The following SYCP1 variants were observed in gnomAD, a reference collection of about 807,000 sequenced individuals.
SYCP1 encodes the protein synaptonemal complex protein 1.
In SYCP1, 64 loss-of-function variants were observed where a neutral mutation model predicts 153.1. The ratio of observed to expected loss-of-function variants is 0.42; its 90% CI spans 0.34 to 0.51. SYCP1 has a LOEUF of 0.51. SYCP1 is among the 20% of genes least tolerant of loss of function. SYCP1 has a pLI of 0.06. For missense variants in SYCP1, 997 were observed against 1,049.0 expected (o/e 0.95, Z 0.68); for synonymous variants, 384 against 341.8 (o/e 1.12, Z -1.36).
At position 114,858,641 on chromosome 1, in the gene SYCP1, A is replaced by G. The variant is rs765961812; in HGVS notation, c.386A>G (p.Gln129Arg). 6 of 1,613,302 alleles carry G rather than the reference A, an allele frequency of 3.7e-6. No homozygotes were observed. Among genetic ancestry groups the G allele is most frequent in the Non-Finnish European group, 3.4e-6 (4 of 1,179,560 alleles). Residue 129 changes from glutamine (Q) to arginine (R), a missense_variant, in exon 6 of 32, where the codon CAG becomes CGG. This residue lies in a region of SYCP1 where 285 missense variants were observed against 366.1 expected (regional missense o/e 0.78). Transcript: ENST00000369522. ...WKVSTEAELRQKESKLQENRK... is the reference protein window; with the variant it reads ...WKVSTEAELRRKESKLQENRK... ...GTAAGTACAGAAGCTGAACTGAGAC[A>G]GAAAGAAAGTAAGTTGCAAGAAAAC...
At chr1:114,965,569 G>T (rs530054651) in intron 27 of SYCP1, among the ~76,000 whole-genome samples, 1 of 152,038 alleles carries the variant, frequency 6.6e-6, no homozygotes, top group Non-Finnish European at 1.5e-5. Context: ...TAGCATGAAG[G>T]GGTGTTGAAT....
intron 12 of SYCP1, among the ~76,000 whole-genome samples, chr1:114,880,871 T>C (rs762927570): frequency 6.6e-6 from 1 of 152,176 alleles, no homozygotes; most frequent in Non-Finnish European, 1.5e-5. Flanking sequence ...TTAAATTAAT[T>C]ATGATCAACT....
intron 23 of SYCP1, among the ~76,000 whole-genome samples, chr1:114,932,458 A>T (rs999761783): frequency 6.6e-6 from 1 of 152,214 alleles, no homozygotes. Context: ...GCTGAATAGG[A>T]ACAGCTCCAG....
intron 13 of SYCP1, 71 bp from the exon 14 acceptor site, chr1:114,886,054 G>A: frequency 1.0e-6 from 1 of 997,904 alleles, no homozygotes; most frequent in Non-Finnish European, 1.4e-6. Flanking sequence ...ATGTATAGAA[G>A]CAGATAAGTT....
rs541258777 is a variant in SYCP1 at position 114,966,716 on chromosome 1, G to A, written c.2323-10841G>A. On this transcript the variant is annotated intron_variant, in intron 27 of 31. Coordinates refer to ENST00000369522, the MANE Select transcript of SYCP1 (RefSeq NM_003176.4). ...TTTTTTTTTTTTTAGATGGAGTCTC[G>A]CTCTGCCACTGAGGCTGGAGTGCAG... Among the ~76,000 whole-genome samples the A allele has an allele frequency of 1.2e-3, 176 of 146,892 alleles. 2 individuals carry two copies. The highest frequency in any genetic ancestry group is 3.8e-3 in the African/African-American group (152 of 39,742).
chr1:114,987,940 GA>G (rs1242368375), intron 30 of SYCP1, among the ~76,000 whole-genome samples: 3 of 151,132 alleles, frequency 2.0e-5, no homozygotes, highest in East Asian at 2.0e-4. Context: ...AAAAGAACCA[GA>G]AAAAAACTCT....
intron 30 of SYCP1, among the ~76,000 whole-genome samples, chr1:114,986,375 A>G (rs894383213): frequency 6.6e-6 from 1 of 152,068 alleles, no homozygotes; most frequent in African/African-American, 2.4e-5. Flanking sequence ...CTTTAGAATT[A>G]AACATTCTAG....
At chr1:114,972,342 T>C (rs929677944) in intron 27 of SYCP1, among the ~76,000 whole-genome samples, 1 of 152,068 alleles carries the variant, frequency 6.6e-6, no homozygotes, top group Non-Finnish European at 1.5e-5. Context: ...GGTTTGTCAT[T>C]CTGTTTATCT....
intron 29 of SYCP1, among the ~76,000 whole-genome samples, chr1:114,982,419 A>AT (rs1374971974): frequency 1.3e-5 from 2 of 150,426 alleles, no homozygotes; most frequent in East Asian, 2.0e-4. Context: ...GTTTTTCTTC[A>AT]TTTTTTTTCT....
At chr1:114,969,559 A>C (rs1386935072) in intron 27 of SYCP1, among the ~76,000 whole-genome samples, 1 of 152,208 alleles carries the variant, frequency 6.6e-6, no homozygotes. Flanking sequence ...ATTTGAAGCC[A>C]GTGGATCTTA....
chr1:114,864,884 TTAAG>T (rs1167674777), intron 8 of SYCP1, among the ~76,000 whole-genome samples: 2 of 152,138 alleles, frequency 1.3e-5, no homozygotes, highest in African/African-American at 4.8e-5. Flanking sequence ...TTATTATACT[TTAAG>T]TTTTAGGGTA....
At chr1:114,891,959 T>G (rs957386323) in intron 15 of SYCP1, among the ~76,000 whole-genome samples, 5 of 152,128 alleles carry the variant, frequency 3.3e-5, no homozygotes, top group African/African-American at 1.2e-4. Context: ...GAAATAAAAA[T>G]GATGCAATGC....
At chr1:114,861,562 T>C (rs765164170) in intron 8 of SYCP1, among the ~76,000 whole-genome samples, 5 of 152,262 alleles carry the variant, frequency 3.3e-5, no homozygotes, top group Admixed American at 6.5e-5. Context: ...AAGGATTAGA[T>C]AGCCGGTGCT....
At position 114,975,033 on chromosome 1, in the gene SYCP1, T is replaced by A. The variant is rs183971386; in HGVS notation, c.2323-2524T>A. Among the ~76,000 whole-genome samples, 359 of 151,978 alleles carry A rather than the reference T, an allele frequency of 2.4e-3. 1 individual carries two copies. The highest frequency in any genetic ancestry group is 1.9e-3 in the Non-Finnish European group (130 of 67,762). On this transcript the variant is annotated intron_variant, in intron 27 of 31. Coordinates refer to ENST00000369522, the MANE Select transcript of SYCP1 (RefSeq NM_003176.4). ...TTGATAGTGGCCATCCTAATGTGTG[T>A]AGGCAATATCTCATGTGGCTGTGAT...
chr1:114,972,323 C>T (rs12116854), intron 27 of SYCP1, among the ~76,000 whole-genome samples: 30,009 of 151,456 alleles, frequency 0.2, 3,453 homozygotes, highest in Non-Finnish European at 0.26. Flanking sequence ...CTTAGTCTGC[C>T]TGGCTAACGG....
intron 27 of SYCP1, among the ~76,000 whole-genome samples, chr1:114,950,296 G>A (rs1671011627): frequency 6.6e-6 from 1 of 152,134 alleles, no homozygotes; most frequent in Non-Finnish European, 1.5e-5. Flanking sequence ...GTCTATAATT[G>A]ACATGTAATG....
chr1:114,900,350 A>C (rs1372755622), intron 16 of SYCP1, among the ~76,000 whole-genome samples: 1 of 151,920 alleles, frequency 6.6e-6, no homozygotes, highest in Non-Finnish European at 1.5e-5. Context: ...GCGTGATCTC[A>C]GCTCACTGCA....
chr1:114,910,767 A>AT (rs1394631426), intron 17 of SYCP1, among the ~76,000 whole-genome samples: 2 of 151,910 alleles, frequency 1.3e-5, no homozygotes, highest in Non-Finnish European at 2.9e-5. Context: ...TGTCTTGAGT[A>AT]TTTTTTCTTT....
At chr1:114,939,809 G>T (rs755781581) in intron 23 of SYCP1, among the ~76,000 whole-genome samples, 1 of 151,240 alleles carries the variant, frequency 6.6e-6, no homozygotes, top group Non-Finnish European at 1.5e-5. Flanking sequence ...TGAACTCATC[G>T]ACGAAAGCTA....
Sources: allele counts gnomAD v4.1 joint callset (sites outside exome capture counted in the v4.1 genomes callset), GRCh38; gene constraint gnomAD v4.1.1; regional missense constraint gnomAD v4.1.1; transcripts MANE v1.5; gene names NCBI Gene and HGNC (gene_info 2026-07-23, HGNC 2026-07-21).